The following PSIP1 variants were observed in gnomAD, a reference collection of about 807,000 sequenced individuals.
The protein encoded by PSIP1 is PC4 and SFRS1-interacting protein.
Under a neutral mutation model 74.7 loss-of-function variants are expected in PSIP1, and 19 were observed. That is an observed-to-expected ratio of 0.25 (90% CI 0.18 to 0.37). PSIP1 has a LOEUF of 0.37. PSIP1 is among the 10% of genes least tolerant of loss of function. The pLI is 1.00. For synonymous variants in PSIP1, 222 were observed against 195.3 expected, an observed-to-expected ratio of 1.14 and a Z score of -1.14; for missense variants, 601 against 614.3, an observed-to-expected ratio of 0.98 and a Z score of 0.23.
intron 3 of PSIP1, among the ~76,000 whole-genome samples, chr9:15,498,562 G>C (rs1297097903): frequency 1.3e-5 from 2 of 151,898 alleles, no homozygotes; most frequent in Non-Finnish European, 2.9e-5. Flanking sequence ...ACAGGGACCA[G>C]ATTAGTTTTT....
chr9:15,509,745 T>C (rs548956628), intron 2 of PSIP1, among the ~76,000 whole-genome samples: 24 of 152,338 alleles, frequency 1.6e-4, no homozygotes, highest in Middle Eastern at 3.4e-3. Context: ...ACAAATTCCA[T>C]TGATATTTTG....
At chr9:15,499,811 T>A (rs1464779605) in intron 3 of PSIP1, among the ~76,000 whole-genome samples, 1 of 150,632 alleles carries the variant, frequency 6.6e-6, no homozygotes, top group African/African-American at 2.4e-5. Flanking sequence ...GAGGCAGAGG[T>A]TGCAGTGAGC....
intron 3 of PSIP1, among the ~76,000 whole-genome samples, chr9:15,492,652 C>T (rs898553661): frequency 6.6e-5 from 10 of 152,202 alleles, no homozygotes; most frequent in African/African-American, 2.4e-4. Flanking sequence ...ATTTCCCTTC[C>T]ACACAGTCCT....
intron 14 of PSIP1, 122 bp from the exon 15 acceptor site, chr9:15,466,981 TTTA>T: frequency 1.4e-6 from 1 of 712,516 alleles, no homozygotes; most frequent in Non-Finnish European, 2.4e-6. Context: ...CTTAATGTCT[TTTA>T]TTTGAAATTA....
intron 9 of PSIP1, among the ~76,000 whole-genome samples, chr9:15,473,545 T>C (rs2035934236): frequency 6.6e-6 from 1 of 152,210 alleles, no homozygotes; most frequent in Non-Finnish European, 1.5e-5. Flanking sequence ...AACAAATTCA[T>C]TTTAACTGCC....
chr9:15,466,434 T>C (rs1245510139), intron 15 of PSIP1, among the ~76,000 whole-genome samples: 1 of 152,186 alleles, frequency 6.6e-6, no homozygotes, highest in African/African-American at 2.4e-5. Context: ...TTTACAATTA[T>C]CCTTTCACAA....
chr9:15,470,840 A>T, intron 10 of PSIP1: 3 of 1,054,294 alleles, frequency 2.8e-6, no homozygotes, highest in Non-Finnish European at 3.4e-6. Flanking sequence ...AAACAAAATG[A>T]ATTTTTATAT....
intron 3 of PSIP1, chr9:15,505,693 T>A (rs2037555539): frequency 1.3e-5 from 2 of 152,206 alleles, no homozygotes; most frequent in African/African-American, 4.8e-5. Flanking sequence ...CTATTGAAAA[T>A]CACTTTAAGC....
Position 15,506,488 on chromosome 9 carries a change from T to C in PSIP1, c.149+73A>G, listed in dbSNP as rs553719031. 22 of 1,073,012 alleles carry C rather than the reference T, an allele frequency of 2.1e-5. No homozygotes were observed. In the East Asian group the frequency reaches 5.2e-4, roughly 26 times the overall value. The allele number at this position is 1,073,012 out of a possible 1,614,324, so 66.5% of individuals were successfully genotyped here. On this transcript the variant is annotated intron_variant, in intron 3 of 15. Coordinates refer to ENST00000380733, the MANE Select transcript of PSIP1 (RefSeq NM_033222.5). Reference sequence around the variant, plus strand: ...TTCCTATTACGTTACGATTTCCCCCTTGAATTAATGTCTACTGCCTAATAA... The same window carrying C: ...TTCCTATTACGTTACGATTTCCCCCCTGAATTAATGTCTACTGCCTAATAA...
intron 3 of PSIP1, among the ~76,000 whole-genome samples, chr9:15,494,565 C>CA (rs57170853): frequency 0.03 from 1,135 of 37,576 alleles, 133 homozygotes; most frequent in Non-Finnish European, 0.033. Flanking sequence ...AACTGCATCT[C>CA]AAAAAAAAAA....
chr9:15,508,369 G>T (rs1005205474), intron 2 of PSIP1, among the ~76,000 whole-genome samples: 3 of 152,172 alleles, frequency 2.0e-5, no homozygotes, highest in African/African-American at 7.2e-5. Context: ...CAGAAAAAAT[G>T]ATGGGGAAAA....
intron 14 of PSIP1, 37 bp from the exon 15 acceptor site, chr9:15,466,896 C>T (rs1293044482): frequency 1.3e-6 from 2 of 1,507,406 alleles, no homozygotes; most frequent in Non-Finnish European, 1.8e-6. Flanking sequence ...TTTGTTAAAG[C>T]TTACAAAACA....
At chr9:15,484,911 C>CAA (rs59867087) in intron 6 of PSIP1, among the ~76,000 whole-genome samples, 27 of 81,794 alleles carry the variant, frequency 3.3e-4, no homozygotes, top group Non-Finnish European at 4.4e-4. Context: ...AGATCCGTCT[C>CAA]AAAAAAAAAA....
intron 3 of PSIP1, among the ~76,000 whole-genome samples, chr9:15,501,663 A>T (rs2037349772): frequency 6.6e-6 from 1 of 151,886 alleles, no homozygotes; most frequent in Admixed American, 6.6e-5. Context: ...ATTCACTGCT[A>T]ATGTTAAAAT....
At chr9:15,477,894 A>G (rs1466474853) in intron 8 of PSIP1, among the ~76,000 whole-genome samples, 1 of 151,960 alleles carries the variant, frequency 6.6e-6, no homozygotes, top group Non-Finnish European at 1.5e-5. Context: ...TTCCAGCACT[A>G]TGGAAGGATG....
intron 2 of PSIP1, among the ~76,000 whole-genome samples, chr9:15,508,729 G>A (rs1411583322): frequency 6.6e-6 from 1 of 152,166 alleles, no homozygotes; most frequent in Admixed American, 6.5e-5. Context: ...CGTGAATTGT[G>A]TTTTATAGGT....
At chr9:15,504,783 G>GAATTA (rs1231157506) in intron 3 of PSIP1, among the ~76,000 whole-genome samples, 1 of 149,920 alleles carries the variant, frequency 6.7e-6, no homozygotes, top group African/African-American at 2.4e-5. Flanking sequence ...ACAAAAATCA[G>GAATTA]AATTAAAGAC....
chr9:15,472,760 G>A lies in PSIP1; in HGVS notation c.859-10C>T, dbSNP rs2035895442. ...TCCCACCTTTTCTCTTCTGTTTTGA[G>A]AATTAGGATGGTTTTATTTAACTAT... On this transcript the variant is annotated splice_polypyrimidine_tract_variant and intron_variant, in intron 9 of 15. Transcript: ENST00000380733. The A allele has an allele frequency of 1.7e-5, 27 of 1,596,882 alleles. No individual in the cohort carries two copies. In the East Asian group the frequency reaches 6.1e-4, roughly 36 times the overall value.
At chr9:15,503,991 C>T (rs1390094831) in intron 3 of PSIP1, among the ~76,000 whole-genome samples, 3 of 152,126 alleles carry the variant, frequency 2.0e-5, no homozygotes, top group Admixed American at 6.6e-5. Flanking sequence ...GTCATCCGCC[C>T]GCTTCAGCCT....
Sources: gnomAD v4.1 joint callset for allele counts (sites outside exome capture counted in the v4.1 genomes callset) on GRCh38, gnomAD v4.1.1 for gene constraint, MANE v1.5 for transcripts, NCBI Gene and HGNC (gene_info 2026-07-23, HGNC 2026-07-21) for gene names.